PPFIA4: variants seen among roughly 807,000 people sequenced by gnomAD.
PPFIA4 encodes the protein liprin-alpha-4.
PPFIA4 carries 98 observed loss-of-function variants against 145.7 expected under a neutral mutation model. The ratio of observed to expected loss-of-function variants is 0.67; its 90% CI spans 0.57 to 0.80. PPFIA4 has a LOEUF of 0.80. Ranked by LOEUF, PPFIA4 falls within the 30% of genes least tolerant of loss-of-function variation. The pLI, the probability that PPFIA4 is intolerant of heterozygous loss-of-function variation, is 0.00. For synonymous variants in PPFIA4, 628 were observed against 649.6 expected (o/e 0.97, Z 0.51); for missense variants, 1,457 against 1,632.7 (o/e 0.89, Z 1.85).
At chr1:203,058,166 C>T (rs927085704) in intron 19 of PPFIA4, among the ~76,000 whole-genome samples, 1 of 151,974 alleles carries the variant, frequency 6.6e-6, no homozygotes, top group African/African-American at 2.4e-5. Context: ...TTCTGCAGCT[C>T]AGGAAGATGT....
chr1:203,074,661 A>T (rs931596377), intron 28 of PPFIA4, among the ~76,000 whole-genome samples: 1 of 152,104 alleles, frequency 6.6e-6, no homozygotes, highest in African/African-American at 2.4e-5. Flanking sequence ...TGTTCCTGCT[A>T]GTCCCACTCT....
At chr1:203,046,640 A>C in intron 9 of PPFIA4, 1 of 362,724 alleles carries the variant, frequency 2.8e-6, no homozygotes, top group East Asian at 4.2e-5. Context: ...AGCTATGTTG[A>C]TGCAAAGTGT....
In PPFIA4 at chr1:203,055,427, T is replaced by C; in HGVS notation, c.1830-5T>C. On this transcript the variant is annotated splice_polypyrimidine_tract_variant and splice_region_variant and intron_variant, in intron 15 of 29. Coordinates refer to ENST00000295706, the MANE Select transcript of PPFIA4 (RefSeq NM_001304331.2). This position sits in a 1 kb window ranked among gnomAD's most constrained non-coding sequence, Gnocchi z 4.8. ...TGGTGAGGTCTGGTTTTGCCTCCCT[T>C]CCAGGATGATTCAGGAAGAGAAGGA... The C allele has an allele frequency of 6.2e-7, 1 of 1,613,734 alleles. No homozygotes were observed. Among genetic ancestry groups the C allele is most frequent in the Non-Finnish European group, 8.5e-7 (1 of 1,179,702 alleles).
rs1407956441 is a variant in PPFIA4, at chr1:203,043,602, AG to A, written c.336+106del. 3 of 1,051,576 alleles carry A rather than the reference AG, an allele frequency of 2.9e-6. No homozygotes were observed. In the African/African-American group the frequency reaches 4.7e-5, roughly 17 times the overall value. 65.1% of individuals were successfully genotyped at this position (1,051,576 alleles called of 1,614,324 possible). A position where few individuals can be genotyped will look rare whatever the true frequency, so the allele number is the denominator to read the frequency against. On this transcript the variant is annotated intron_variant, in intron 3 of 29. Coordinates refer to ENST00000295706, the MANE Select transcript of PPFIA4 (RefSeq NM_001304331.2). The surrounding 1 kb of genome is among the most constrained non-coding windows in gnomAD (Gnocchi z 4.4). ...CAAGAGAGCAGGCAAGAGTGGGGCC[AG>A]GCACAGTCCTAGCTCAAGCCCCATC...
chr1:203,029,191 C>T (rs1372412130), intron 1 of PPFIA4, among the ~76,000 whole-genome samples: 1 of 152,198 alleles, frequency 6.6e-6, no homozygotes, highest in Non-Finnish European at 1.5e-5. Context: ...ACAAGAAGCA[C>T]GATTGCTGCC....
intron 13 of PPFIA4, chr1:203,051,350 G>C: frequency 1.0e-6 from 1 of 984,070 alleles, no homozygotes; most frequent in Non-Finnish European, 1.2e-6. Context: ...AGAGTGAAAA[G>C]GGCCTCTAGA....
At position 203,067,798 on chromosome 1, in the gene PPFIA4, C is replaced by T; in HGVS notation, c.3148+6C>T. ...GAGCCAGCATGAGATCAAGGGTAAG[C>T]TCGTCAGGCTTGGAGAGGGTTCGGG... is the stretch of plus-strand genomic sequence containing the variant. On this transcript the variant is annotated splice_donor_region_variant and intron_variant, in intron 26 of 29. Transcript: ENST00000295706. 1 of 1,613,402 alleles carries T rather than the reference C, an allele frequency of 6.2e-7. No individual in the cohort carries two copies. Among genetic ancestry groups the T allele is most frequent in the Non-Finnish European group, 8.5e-7 (1 of 1,179,714 alleles).
intron 1 of PPFIA4, among the ~76,000 whole-genome samples, chr1:203,037,539 C>T (rs769324407): frequency 5.3e-5 from 8 of 152,214 alleles, no homozygotes; most frequent in Non-Finnish European, 8.8e-5. Context: ...AGCTTTCTAA[C>T]GTAGACAGGG....
intron 1 of PPFIA4, chr1:203,034,694 G>T (rs1213709433): frequency 2.2e-6 from 1 of 456,676 alleles, no homozygotes. Flanking sequence ...CATGTTGGCT[G>T]CTCTGCAGAG....
chr1:203,065,714 A>T (rs1473303372), intron 25 of PPFIA4, among the ~76,000 whole-genome samples: 1 of 152,196 alleles, frequency 6.6e-6, no homozygotes, highest in Middle Eastern at 3.2e-3. Context: ...TTAAATCATG[A>T]TTTTTATGAC....
Position 203,060,199 on chromosome 1 carries a change from TGTGCCCG to T in PPFIA4, c.2584-14_2584-8del. ...GGGCCCAGGCCTTGAATTACCTCCC[TGTGCCCG>T]GTGTCTGCAGCTCTGGGTGGGGATG... On this transcript the variant is annotated splice_polypyrimidine_tract_variant and intron_variant, in intron 21 of 29. Transcript: ENST00000295706. The surrounding 1 kb of genome is among the most constrained non-coding windows in gnomAD (Gnocchi z 4.8). The T allele has an allele frequency of 6.2e-7, 1 of 1,612,386 alleles. No homozygotes were observed. Among genetic ancestry groups the T allele is most frequent in the South Asian group, 1.1e-5 (1 of 90,908 alleles).
Position 203,076,580 on chromosome 1 carries a change from T to C in PPFIA4, c.*190T>C. The C allele has an allele frequency of 1.6e-6, 1 of 612,808 alleles. No homozygotes were observed. The highest frequency in any genetic ancestry group is 2.9e-6 in the Non-Finnish European group (1 of 346,724). The allele number at this position is 612,808 out of a possible 1,614,324, so 38.0% of individuals were successfully genotyped here. ...ACCCCGAGTCCCACCGTGTGTCCGT[T>C]GTAAGTCCGGTGGATGTGGCTGGGG... is the stretch of plus-strand genomic sequence containing the variant. On this transcript the variant is annotated 3_prime_UTR_variant, in exon 30 of 30. Transcript: ENST00000295706.
rs1419495168 is a variant in PPFIA4, at chr1:203,053,792, G to A, written c.1660G>A (p.Ala554Thr). The A allele has an allele frequency of 6.4e-7, 1 of 1,552,272 alleles. No individual in the cohort carries two copies. ...TSPLPGMLAP[A>T]AGPAFDSDPE... Reference sequence around the variant, plus strand: ...TCCACTGCCTGGGATGCTGGCCCCGGCAGCTGGCCCTGCCTTTGACAGTGA... The same window carrying A: ...TCCACTGCCTGGGATGCTGGCCCCGACAGCTGGCCCTGCCTTTGACAGTGA... The change falls in exon 15 of 30, where the codon GCA (alanine) becomes ACA (threonine). Residue 554 changes from alanine to threonine, a missense_variant. Physicochemically the swap from Ala to Thr is moderately conservative, Grantham distance 58 (BLOSUM62 0). Coordinates refer to ENST00000295706, the MANE Select transcript of PPFIA4 (RefSeq NM_001304331.2).
At chr1:203,042,171 A>G (rs1038674728) in intron 2 of PPFIA4, among the ~76,000 whole-genome samples, 1 of 152,136 alleles carries the variant, frequency 6.6e-6, no homozygotes, top group South Asian at 2.1e-4. Flanking sequence ...TTGGACATCC[A>G]CAGAGTTGGG....
Position 203,076,326 on chromosome 1 carries a change from C to T in PPFIA4, c.3575-15C>T. The T allele has an allele frequency of 6.2e-7, 1 of 1,602,862 alleles. No individual in the cohort carries two copies. Among genetic ancestry groups the T allele is most frequent in the Non-Finnish European group, 8.5e-7 (1 of 1,179,102 alleles). ...CTGCCTCACAGTGCGATGCCTGTCTCTCTCTCTCCCTCAGCTCACTCCCAC... is the reference window on the plus strand; with the variant it reads ...CTGCCTCACAGTGCGATGCCTGTCTTTCTCTCTCCCTCAGCTCACTCCCAC... On this transcript the variant is annotated splice_polypyrimidine_tract_variant and intron_variant, in intron 29 of 29. Coordinates refer to ENST00000295706, the MANE Select transcript of PPFIA4 (RefSeq NM_001304331.2).
intron 25 of PPFIA4, 179 bp from the exon 26 acceptor site, chr1:203,067,516 G>A: frequency 8.3e-6 from 5 of 600,712 alleles, no homozygotes; most frequent in Non-Finnish European, 1.2e-5. Context: ...GAGAAAGGGA[G>A]TAACCTCGGG....
chr1:203,036,222 C>A lies in PPFIA4; in HGVS notation c.-399-2388C>A, dbSNP rs1356541638. Among the ~76,000 whole-genome samples the A allele has an allele frequency of 3.9e-5, 6 of 152,298 alleles. No individual in the cohort carries two copies. The East Asian group carries it at 9.7e-4, about 25-fold the overall frequency. On this transcript the variant is annotated intron_variant, in intron 1 of 29. Transcript: ENST00000295706. ...TTTCTACTCTTCATTTGCTGCCCAG[C>A]CATGATCTCATCCCTCTAAGGAAGG...
At chr1:203,035,221 C>T (rs887535811) in intron 1 of PPFIA4, 6 of 449,306 alleles carry the variant, frequency 1.3e-5, no homozygotes, top group Non-Finnish European at 2.2e-5. Flanking sequence ...AGCTGAATAG[C>T]CCCTCAGACG....
intron 28 of PPFIA4, among the ~76,000 whole-genome samples, chr1:203,073,342 C>T (rs775936656): frequency 5.9e-5 from 9 of 152,212 alleles, no homozygotes; most frequent in Non-Finnish European, 4.4e-5. Flanking sequence ...GCTATCTGGC[C>T]TATCAGCCTC....
Sources: allele counts gnomAD v4.1 joint callset (sites outside exome capture counted in the v4.1 genomes callset), GRCh38; gene constraint gnomAD v4.1.1; non-coding constraint Gnocchi (gnomAD v3.1); transcripts MANE v1.5; gene names NCBI Gene and HGNC (gene_info 2026-07-23, HGNC 2026-07-21).